Variants in MBNL2 observed in about 807,000 individuals in gnomAD.
MBNL2 encodes the protein muscleblind like splicing regulator 2.
Under a neutral mutation model 41.9 loss-of-function variants are expected in MBNL2, and 17 were observed. The observed-to-expected ratio is 0.41, with a 90% CI of 0.28 to 0.61. The LOEUF (loss-of-function observed/expected upper bound fraction) is 0.61. MBNL2 is among the 20% of genes least tolerant of loss of function. MBNL2 has a pLI of 0.35. For missense variants in MBNL2, 336 were observed against 505.6 expected (o/e 0.66, Z 3.22); for synonymous variants, 195 against 182.9 (o/e 1.07, Z -0.53).
chr13:97,269,241 C>T (rs2050436065), intron 1 of MBNL2, among the ~76,000 whole-genome samples: 1 of 152,142 alleles, frequency 6.6e-6, no homozygotes, highest in Non-Finnish European at 1.5e-5. Flanking sequence ...CTAAAACACA[C>T]CAGTGAGAGA....
At chr13:97,374,314 A>C (rs1172915571) in intron 8 of MBNL2, among the ~76,000 whole-genome samples, 2 of 147,656 alleles carry the variant, frequency 1.4e-5, no homozygotes, top group Admixed American at 6.7e-5. Flanking sequence ...CGCCCAGCTA[A>C]TTTTTTGTAT....
chr13:97,311,766 T>C (rs1446901695), intron 2 of MBNL2, among the ~76,000 whole-genome samples: 1 of 152,108 alleles, frequency 6.6e-6, no homozygotes, highest in Non-Finnish European at 1.5e-5. Context: ...TGTGAGGAAA[T>C]ACCGTTAAGG....
intron 8 of MBNL2, among the ~76,000 whole-genome samples, chr13:97,390,181 A>G (rs2066285290): frequency 1.3e-5 from 2 of 152,164 alleles, no homozygotes; most frequent in African/African-American, 4.8e-5. Context: ...TGAATTCTCT[A>G]CACATCTGTC....
intron 2 of MBNL2, among the ~76,000 whole-genome samples, chr13:97,303,491 C>T (rs927977357): frequency 3.9e-5 from 6 of 152,160 alleles, no homozygotes; most frequent in African/African-American, 1.4e-4. Flanking sequence ...GCATAGAGGT[C>T]GGAATCCAGG....
chr13:97,273,144 C>A (rs1039251974), intron 1 of MBNL2, among the ~76,000 whole-genome samples: 1 of 152,174 alleles, frequency 6.6e-6, no homozygotes, highest in Non-Finnish European at 1.5e-5. Context: ...AGAGACTCTG[C>A]TGCCTTTGAG....
intron 2 of MBNL2, among the ~76,000 whole-genome samples, chr13:97,293,728 C>CT (rs1241167296): frequency 2.0e-5 from 3 of 152,012 alleles, no homozygotes; most frequent in East Asian, 3.9e-4. Flanking sequence ...AGTCTCGTAC[C>CT]TTTTTTATGG....
upstream of MBNL2, among the ~76,000 whole-genome samples, chr13:97,218,448 A>AAAAAAAAAAC (rs1566346399): frequency 2.0e-5 from 3 of 148,952 alleles, no homozygotes; most frequent in East Asian, 5.9e-4. Flanking sequence ...AACAAAAAAA[A>AAAAAAAAAAC]AAAACTGGGC....
At chr13:97,160,626 T>C in the MBNL2 span, among the ~76,000 whole-genome samples, 1 of 152,068 alleles carries the variant, frequency 6.6e-6, no homozygotes, top group Admixed American at 6.6e-5. Context: ...AAATTTGCTT[T>C]CAGTTACATG....
At chr13:97,141,934 C>A in the MBNL2 span, among the ~76,000 whole-genome samples, 2 of 152,168 alleles carry the variant, frequency 1.3e-5, no homozygotes, top group Non-Finnish European at 2.9e-5. Context: ...GTGTGATCAC[C>A]TTTTCTCCTT....
rs145503283 is a variant in MBNL2, at chr13:97,328,998, A to G, written c.175-5278A>G. On this transcript the variant is annotated intron_variant, in intron 2 of 8. Coordinates refer to ENST00000679496, the MANE Select transcript of MBNL2 (RefSeq NM_001382683.1). The stretch of plus-strand genomic sequence containing the variant: ...TCTTAGCCAAAGTTGCATTTATTCT[A>G]TCCCATGCCATGTAATTTAATGGCT... Among the ~76,000 whole-genome samples, 174 of 152,272 alleles carry G rather than the reference A, an allele frequency of 1.1e-3. 1 individual carries two copies. The highest frequency in any genetic ancestry group is 1.6e-3 in the Admixed American group (25 of 15,296).
At chr13:97,194,515 G>A in the MBNL2 span, among the ~76,000 whole-genome samples, 3 of 152,102 alleles carry the variant, frequency 2.0e-5, no homozygotes, top group East Asian at 1.9e-4. Flanking sequence ...GAGGCATTCC[G>A]ACCATAGCAA....
the MBNL2 span, among the ~76,000 whole-genome samples, chr13:97,162,869 A>T: frequency 6.6e-6 from 1 of 152,206 alleles, no homozygotes; most frequent in Non-Finnish European, 1.5e-5. Context: ...AAGACTATAG[A>T]CTGAGTGAGA....
the MBNL2 span, among the ~76,000 whole-genome samples, chr13:97,209,578 C>A: frequency 2.0e-5 from 3 of 152,096 alleles, no homozygotes; most frequent in African/African-American, 7.2e-5. Context: ...AATTAGTTAG[C>A]CCCTTTGTCT....
chr13:97,156,923 C>T, the MBNL2 span, among the ~76,000 whole-genome samples: 2 of 151,926 alleles, frequency 1.3e-5, no homozygotes, highest in African/African-American at 4.8e-5. Context: ...TTTTCCAATT[C>T]TGTGAAGAAA....
the MBNL2 span, among the ~76,000 whole-genome samples, chr13:97,166,212 A>G: frequency 1.6e-3 from 251 of 152,344 alleles, 2 homozygotes; most frequent in African/African-American, 6.0e-3. Flanking sequence ...ATTATTTGGG[A>G]TATTTCCTTC....
the MBNL2 span, among the ~76,000 whole-genome samples, chr13:97,153,559 G>A: frequency 2.6e-5 from 4 of 152,002 alleles, no homozygotes; most frequent in East Asian, 3.8e-4. Flanking sequence ...AGCTATGAAC[G>A]CATATAATTT....
At chr13:97,369,427 A>AAAGAT (rs1244198257) in intron 8 of MBNL2, among the ~76,000 whole-genome samples, 4 of 152,234 alleles carry the variant, frequency 2.6e-5, no homozygotes. Flanking sequence ...ATGAGATTAC[A>AAAGAT]AAGATAAACA....
At chr13:97,248,627 C>T (rs1331700066) in intron 1 of MBNL2, among the ~76,000 whole-genome samples, 1 of 152,096 alleles carries the variant, frequency 6.6e-6, no homozygotes, top group Non-Finnish European at 1.5e-5. Context: ...ATATCTCTAA[C>T]CATTTAAAGC....
At chr13:97,144,423 CTTTTT>C in the MBNL2 span, among the ~76,000 whole-genome samples, 1,794 of 118,084 alleles carry the variant, frequency 0.015, 62 homozygotes, top group African/African-American at 0.065. Flanking sequence ...CATGATACTT[CTTTTT>C]TTTTTTTTTT....
Sources: gnomAD v4.1 joint callset for allele counts (sites outside exome capture counted in the v4.1 genomes callset) on GRCh38, gnomAD v4.1.1 for gene constraint, MANE v1.5 for transcripts, NCBI Gene and HGNC (gene_info 2026-07-23, HGNC 2026-07-21) for gene names.